Variants in ZCCHC2 observed in about 807,000 individuals in gnomAD.
ZCCHC2 encodes the protein zinc finger CCHC domain-containing protein 2.
Under a neutral mutation model 103.6 loss-of-function variants are expected in ZCCHC2, and 39 were observed. That is an observed-to-expected ratio of 0.38 (90% CI 0.29 to 0.49). ZCCHC2 has a LOEUF of 0.49. Among genes scored for constraint, ZCCHC2 ranks in the 20% least tolerant of loss-of-function variants. The pLI is 0.96. For missense variants in ZCCHC2, 1,483 were observed against 1,491.0 expected (o/e 0.99, Z 0.09); for synonymous variants, 687 against 608.9 (o/e 1.13, Z -1.89).
At chr18:62,539,462 T>C in intron 1 of ZCCHC2, 1 of 432,248 alleles carries the variant, frequency 2.3e-6, no homozygotes, top group Non-Finnish European at 4.2e-6. Context: ...AGCAATTTCC[T>C]GTGTCCCAAG....
At chr18:62,547,465 A>C (rs921625201) in intron 4 of ZCCHC2, among the ~76,000 whole-genome samples, 2 of 151,800 alleles carry the variant, frequency 1.3e-5, no homozygotes, top group East Asian at 3.9e-4. Flanking sequence ...GGAGGTCAAT[A>C]TTTCAAGTCC....
chr18:62,526,990 A>G (rs1899560890), intron 1 of ZCCHC2: 1 of 127,270 alleles, frequency 7.9e-6, no homozygotes, highest in Non-Finnish European at 1.6e-5. Context: ...TGGTAAAGGG[A>G]AATTCGTGTG....
chr18:62,549,325 C>T (rs1915564801), intron 4 of ZCCHC2, among the ~76,000 whole-genome samples: 1 of 152,242 alleles, frequency 6.6e-6, no homozygotes, highest in East Asian at 1.9e-4. Context: ...CCAGAAGGGA[C>T]TTCATTCTGA....
intron 1 of ZCCHC2, among the ~76,000 whole-genome samples, chr18:62,536,209 C>T (rs772260725): frequency 1.3e-5 from 2 of 152,128 alleles, no homozygotes; most frequent in Non-Finnish European, 2.9e-5. Flanking sequence ...AACCACATGC[C>T]GTGTAGGTTT....
At chr18:62,558,858 G>T in intron 7 of ZCCHC2, 88 bp downstream of exon 7, 1 of 800,484 alleles carries the variant, frequency 1.2e-6, no homozygotes, top group South Asian at 2.1e-5. Flanking sequence ...TGACATATAG[G>T]AATTGGAATG....
chr18:62,571,951 C>G (rs1381421029), intron 12 of ZCCHC2, among the ~76,000 whole-genome samples: 1 of 152,216 alleles, frequency 6.6e-6, no homozygotes, highest in African/African-American at 2.4e-5. Context: ...AGCATAGTTA[C>G]TCTACCACCA....
At chr18:62,582,901 C>T (rs1012056623), downstream of ZCCHC2, among the ~76,000 whole-genome samples, 13 of 152,104 alleles carry the variant, frequency 8.5e-5, no homozygotes, top group African/African-American at 3.1e-4. Flanking sequence ...CCCAAGAATT[C>T]AAGACCAGCC....
intron 7 of ZCCHC2, among the ~76,000 whole-genome samples, chr18:62,559,694 C>T (rs1028771760): frequency 2.0e-5 from 3 of 152,134 alleles, no homozygotes; most frequent in Non-Finnish European, 4.4e-5. Flanking sequence ...TTTGCAAGGG[C>T]AAATACCAGG....
In ZCCHC2 at chr18:62,565,166, T is replaced by C. The variant is rs899162248; in HGVS notation, c.1846+70T>C. The stretch of plus-strand genomic sequence containing the variant: ...TTCAGCATGATACTTACTGTATTAA[T>C]AGATACTGAGCTGTTGTGTCAAATC... On this transcript the variant is annotated intron_variant, in intron 11 of 13. Transcript: ENST00000269499. 3.3e-6 allele frequency: 4 copies of C among 1,205,520 alleles called. No individual in the cohort carries two copies. The African/African-American group carries it at 6.0e-5, about 18-fold the overall frequency. The allele number at this position is 1,205,520 out of a possible 1,614,324, so 74.7% of individuals were successfully genotyped here. A position where few individuals can be genotyped will look rare whatever the true frequency, so the allele number is the denominator to read the frequency against.
Position 62,560,613 on chromosome 18 carries a change from A to G in ZCCHC2, c.1519A>G (p.Lys507Glu). Residue 507 changes from lysine (K) to glutamate (E), a missense_variant, in exon 8 of 14, where the codon AAG (lysine) becomes GAG (glutamate). This residue lies in a region of ZCCHC2 where 884 missense variants were observed against 907.5 expected (regional missense o/e 0.97). Coordinates refer to ENST00000269499, the MANE Select transcript of ZCCHC2 (RefSeq NM_017742.6). The part of the protein sequence containing the change: ...EDVLQHAIIH[K>E]KHTGKSPIVN... ...TGTGTTGCAGCATGCCATAATCCAC[A>G]AGAAGCATACTGGGAAAAGTCCCAT... The G allele has an allele frequency of 1.9e-6, 3 of 1,613,600 alleles. No individual in the cohort carries two copies. The highest frequency in any genetic ancestry group is 2.5e-6 in the Non-Finnish European group (3 of 1,179,672).
In ZCCHC2 at chr18:62,539,799, T is replaced by C. The variant is rs1422598325; in HGVS notation, c.1051+7T>C. 3 of 1,596,122 alleles carry C rather than the reference T, an allele frequency of 1.9e-6. No individual in the cohort carries two copies. Among genetic ancestry groups the C allele is most frequent in the Non-Finnish European group, 2.6e-6 (3 of 1,169,952 alleles). On this transcript the variant is annotated splice_region_variant and intron_variant, in intron 2 of 13. Transcript: ENST00000269499. ...CACAGAGCTCAGCGAGAAGGTATGC[T>C]CTCTTTTTTGTAAACTTAAAGCATT...
rs369137783 is a variant in ZCCHC2 at position 62,565,480 on chromosome 18, A to G, written c.1846+384A>G. On this transcript the variant is annotated intron_variant, in intron 11 of 13. Transcript: ENST00000269499. The stretch of plus-strand genomic sequence containing the variant: ...TTTTGTGTAAAGTATTTTTTAGAAT[A>G]CTGTTGACTTCTTCATGATTTAATA... Among the ~76,000 whole-genome samples, 15 of 152,222 alleles carry G rather than the reference A, an allele frequency of 9.9e-5. 1 individual carries two copies. The East Asian group carries it at 2.3e-3, about 23-fold the overall frequency.
Position 62,536,284 on chromosome 18 carries a change from G to C in ZCCHC2, c.940-3397G>C, listed in dbSNP as rs182104348. Reference sequence around the variant, plus strand: ...AGAAGCTCTGCCTCAGGCGAGTTAAGAAAGGAGAATGCACTCCTACTAAAG... The same window carrying C: ...AGAAGCTCTGCCTCAGGCGAGTTAACAAAGGAGAATGCACTCCTACTAAAG... On this transcript the variant is annotated intron_variant, in intron 1 of 13. Coordinates refer to ENST00000269499, the MANE Select transcript of ZCCHC2 (RefSeq NM_017742.6). 1.3e-3 allele frequency among the ~76,000 whole-genome samples: 202 copies of C among 152,346 alleles called. 1 individual carries two copies. The highest frequency in any genetic ancestry group is 5.1e-3 in the Admixed American group (78 of 15,300).
In ZCCHC2 at chr18:62,523,227, CG is replaced by C. The variant is rs1914124272; in HGVS notation, c.-195del. On this transcript the variant is annotated 5_prime_UTR_variant, in exon 1 of 14. Coordinates refer to ENST00000269499, the MANE Select transcript of ZCCHC2 (RefSeq NM_017742.6). ...TCGCGGGCACGCCCCGCCCCCAGCC[CG>C]GGAAGACGACGCCAGCGACCCCGCC... 1 of 275,372 alleles carries C rather than the reference CG, an allele frequency of 3.6e-6. No individual in the cohort carries two copies. Among genetic ancestry groups the C allele is most frequent in the South Asian group, 1.4e-4 (1 of 7,374 alleles). The allele number at this position is 275,372 out of a possible 1,614,324, so 17.1% of individuals were successfully genotyped here. A position where few individuals can be genotyped will look rare whatever the true frequency, so the allele number is the denominator to read the frequency against.
At chr18:62,557,059 G>A (rs1915915691) in intron 6 of ZCCHC2, among the ~76,000 whole-genome samples, 1 of 152,100 alleles carries the variant, frequency 6.6e-6, no homozygotes, top group South Asian at 2.1e-4. Context: ...TTTTGTCATA[G>A]CCCATTAAAA....
intron 1 of ZCCHC2, among the ~76,000 whole-genome samples, chr18:62,532,062 C>T (rs1392291947): frequency 6.6e-6 from 1 of 152,172 alleles, no homozygotes; most frequent in Non-Finnish European, 1.5e-5. Flanking sequence ...CCTTGAAGGT[C>T]ATGTTAAAAT....
intron 4 of ZCCHC2, among the ~76,000 whole-genome samples, chr18:62,547,133 T>C (rs1377126758): frequency 6.6e-6 from 1 of 152,068 alleles, no homozygotes; most frequent in African/African-American, 2.4e-5. Flanking sequence ...AAGACCAGCC[T>C]GACCAACATG....
At chr18:62,541,823 T>TATACATGAATTATA (rs1162328165) in intron 2 of ZCCHC2, among the ~76,000 whole-genome samples, 2 of 152,228 alleles carry the variant, frequency 1.3e-5, no homozygotes, top group Non-Finnish European at 2.9e-5. Context: ...TTTGCTTACT[T>TATACATGAATTATA]CATGAATAAA....
intron 6 of ZCCHC2, among the ~76,000 whole-genome samples, chr18:62,557,040 CAT>C (rs1428011677): frequency 3.3e-5 from 5 of 152,198 alleles, no homozygotes. Context: ...CTTACTTAAA[CAT>C]ACATCCTTTT....
Sources: allele counts gnomAD v4.1 joint callset (sites outside exome capture counted in the v4.1 genomes callset), GRCh38; gene constraint gnomAD v4.1.1; regional missense constraint gnomAD v4.1.1; transcripts MANE v1.5; gene names NCBI Gene and HGNC (gene_info 2026-07-23, HGNC 2026-07-21).